The following HOMER2 variants were observed in gnomAD, a reference collection of about 807,000 sequenced individuals.
HOMER2 encodes homer protein homolog 2.
HOMER2 carries 27 observed loss-of-function variants against 47.0 expected under a neutral mutation model. That is an observed-to-expected ratio of 0.57 (90% confidence interval 0.42 to 0.79). HOMER2 has a LOEUF of 0.79. Among genes scored for constraint, HOMER2 ranks in the 30% least tolerant of loss-of-function variants. HOMER2 has a pLI of 0.00. For missense variants in HOMER2, 443 were observed against 435.0 expected (o/e 1.02, Z -0.16); for synonymous variants, 161 against 163.8 (o/e 0.98, Z 0.13).
intron 4 of HOMER2, 183 bp from the exon 5 acceptor site, chr15:82,859,318 C>G (rs540132190): frequency 1.4e-6 from 1 of 693,414 alleles, no homozygotes. Flanking sequence ...TTTTTTTAAA[C>G]AAACAAACAA....
At chr15:82,859,233 A>C in intron 4 of HOMER2, 98 bp from the exon 5 acceptor site, 5 of 1,580,478 alleles carry the variant, frequency 3.2e-6, no homozygotes, top group Non-Finnish European at 4.3e-6. Flanking sequence ...AGTTAGGCAT[A>C]ATAAGAAACT....
At chr15:82,922,645 G>C (rs1596357076) in intron 1 of HOMER2, among the ~76,000 whole-genome samples, 1 of 152,148 alleles carries the variant, frequency 6.6e-6, no homozygotes, top group East Asian at 1.9e-4. Flanking sequence ...TTTTATGCTT[G>C]ATTCCCTTGT....
chr15:82,907,083 G>A (rs986562151), intron 1 of HOMER2, among the ~76,000 whole-genome samples: 35 of 152,172 alleles, frequency 2.3e-4, no homozygotes, highest in Admixed American at 5.2e-4. Flanking sequence ...GGCTGGGTGC[G>A]GTGGCTCACG....
intron 1 of HOMER2, among the ~76,000 whole-genome samples, chr15:82,934,965 G>T (rs1450065930): frequency 1.3e-5 from 2 of 152,078 alleles, no homozygotes; most frequent in African/African-American, 2.4e-5. Flanking sequence ...AGCCACAGAT[G>T]GGAACTCTGT....
intron 1 of HOMER2, among the ~76,000 whole-genome samples, chr15:82,903,340 C>T (rs543788451): frequency 1.3e-5 from 2 of 152,206 alleles, no homozygotes; most frequent in East Asian, 3.9e-4. Flanking sequence ...AGGCTGGGTG[C>T]GGTGGCTCTC....
intron 1 of HOMER2, among the ~76,000 whole-genome samples, chr15:82,915,888 T>A (rs2053577699): frequency 6.6e-6 from 1 of 152,230 alleles, no homozygotes; most frequent in Admixed American, 6.5e-5. Flanking sequence ...TTAAATTAAG[T>A]ATGATATATC....
At chr15:82,953,030 G>A (rs2054542822), upstream of HOMER2, among the ~76,000 whole-genome samples, 1 of 152,198 alleles carries the variant, frequency 6.6e-6, no homozygotes, top group South Asian at 2.1e-4. Context: ...CACCTGGCGG[G>A]GACTTTAGGG....
At chr15:82,882,490 A>T (rs2052553926) in intron 2 of HOMER2, among the ~76,000 whole-genome samples, 1 of 152,236 alleles carries the variant, frequency 6.6e-6, no homozygotes, top group Admixed American at 6.5e-5. Context: ...TGCTGAGGCA[A>T]CACACTGAAG....
chr15:82,927,269 CT>C (rs2053876939), intron 1 of HOMER2, among the ~76,000 whole-genome samples: 1 of 151,952 alleles, frequency 6.6e-6, no homozygotes, highest in Admixed American at 6.5e-5. Flanking sequence ...TAATGCATGT[CT>C]CATTAAAATG....
chr15:82,902,671 AAC>A (rs2053158861), intron 1 of HOMER2, among the ~76,000 whole-genome samples: 2 of 152,334 alleles, frequency 1.3e-5, no homozygotes, highest in East Asian at 1.9e-4. Flanking sequence ...ACTGTAATGA[AAC>A]AAATTATGGA....
intron 1 of HOMER2, among the ~76,000 whole-genome samples, chr15:82,966,884 T>C (rs944437007): frequency 2.6e-5 from 4 of 152,216 alleles, no homozygotes; most frequent in African/African-American, 4.8e-5. Context: ...TCATGATGGC[T>C]GAGAATGAAC....
chr15:82,906,581 G>C (rs1034691091), intron 1 of HOMER2, among the ~76,000 whole-genome samples: 1 of 151,880 alleles, frequency 6.6e-6, no homozygotes, highest in Non-Finnish European at 1.5e-5. Context: ...TACAGGCATG[G>C]GCCACCATGC....
chr15:82,969,401 G>C (rs2029904843), intron 1 of HOMER2, among the ~76,000 whole-genome samples: 1 of 152,182 alleles, frequency 6.6e-6, no homozygotes, highest in African/African-American at 2.4e-5. Context: ...CTAAAAGCTT[G>C]CTATTTATAA....
At chr15:82,925,261 G>A (rs957537933) in intron 1 of HOMER2, among the ~76,000 whole-genome samples, 1 of 152,116 alleles carries the variant, frequency 6.6e-6, no homozygotes, top group African/African-American at 2.4e-5. Context: ...TGCCTCTCAC[G>A]CCTGTTTAGA....
At chr15:82,949,318 T>G (rs1196750230) in intron 1 of HOMER2, among the ~76,000 whole-genome samples, 1 of 151,918 alleles carries the variant, frequency 6.6e-6, no homozygotes, top group Non-Finnish European at 1.5e-5. Context: ...AGGAAGACAG[T>G]GTGGACAGAG....
chr15:82,853,129 C>T (rs1161961748), intron 6 of HOMER2, among the ~76,000 whole-genome samples: 1 of 152,210 alleles, frequency 6.6e-6, no homozygotes, highest in Non-Finnish European at 1.5e-5. Context: ...TCTGAACTCC[C>T]AGCCCCTGCT....
chr15:82,919,252 G>C (rs1165947289), intron 1 of HOMER2, among the ~76,000 whole-genome samples: 6 of 152,216 alleles, frequency 3.9e-5, no homozygotes, highest in African/African-American at 1.4e-4. Flanking sequence ...ATTTATACCA[G>C]ACATGTAAGT....
downstream of HOMER2, among the ~76,000 whole-genome samples, chr15:82,848,152 G>GGGGAA (rs1171907163): frequency 6.6e-6 from 1 of 152,190 alleles, no homozygotes; most frequent in Non-Finnish European, 1.5e-5. Context: ...GTCTCCGTGA[G>GGGGAA]GGGAAGGGAA....
At chr15:82,984,038 T>A (rs28409243) in intron 1 of HOMER2, among the ~76,000 whole-genome samples, 52,611 of 138,120 alleles carry the variant, frequency 0.38, 9,404 homozygotes, top group South Asian at 0.56. Flanking sequence ...TATTATTATT[T>A]TTTTTTTTTT....
Sources: allele counts gnomAD v4.1 joint callset (sites outside exome capture counted in the v4.1 genomes callset), GRCh38; gene constraint gnomAD v4.1.1; transcripts MANE v1.5; gene names NCBI Gene and HGNC (gene_info 2026-07-23, HGNC 2026-07-21).